Variants in CDH9 observed in about 807,000 individuals in gnomAD.
CDH9 encodes cadherin 9.
A neutral mutation model predicts 70.9 loss-of-function variants in CDH9; 28 were observed. The observed-to-expected ratio is 0.40, with a 90% CI of 0.29 to 0.54. The LOEUF (loss-of-function observed/expected upper bound fraction) is 0.54, where lower values mean the gene tolerates loss of function less well. Among genes scored for constraint, CDH9 ranks in the 20% least tolerant of loss-of-function variants. The pLI is 0.59. For synonymous variants in CDH9, 409 were observed against 343.1 expected, an observed-to-expected ratio of 1.19 and a Z score of -2.12; for missense variants, 874 against 984.4, an observed-to-expected ratio of 0.89 and a Z score of 1.50.
chr5:26,900,430 G>A (rs1353690772), intron 7 of CDH9, among the ~76,000 whole-genome samples: 1 of 152,034 alleles, frequency 6.6e-6, no homozygotes, highest in East Asian at 1.9e-4. Context: ...ATGCAAAAGT[G>A]ACTAAGTGGC....
chr5:26,944,356 T>G (rs1741710709), intron 2 of CDH9, among the ~76,000 whole-genome samples: 1 of 152,142 alleles, frequency 6.6e-6, no homozygotes, highest in Non-Finnish European at 1.5e-5. Flanking sequence ...ATCTTGTCTC[T>G]AAAAAGGATA....
At chr5:26,901,516 G>C (rs1740853517) in intron 7 of CDH9, among the ~76,000 whole-genome samples, 2 of 151,776 alleles carry the variant, frequency 1.3e-5, no homozygotes, top group Admixed American at 1.3e-4. Context: ...TATATATTTA[G>C]TATTGTGATT....
chr5:26,906,044 A>T lies in CDH9; in HGVS notation c.726T>A (p.Gly242=), dbSNP rs775745639. 1 of 1,613,562 alleles carries T rather than the reference A, an allele frequency of 6.2e-7. No homozygotes were observed. Residue 242 remains glycine, a synonymous_variant, in exon 5 of 12, where the codon GGT becomes GGA. Coordinates refer to ENST00000231021, the MANE Select transcript of CDH9 (RefSeq NM_016279.4). ...TTCCAGAAAGGCCTCCCATCTGGCC[A>T]CCCATGTCTTTGGCCTGTATAACAA... ...YQVVIQAKDM[G]GQMGGLSGTT... is the part of the protein sequence containing the mutation.
At chr5:26,913,306 A>G (rs1212300319) in intron 3 of CDH9, among the ~76,000 whole-genome samples, 1 of 152,170 alleles carries the variant, frequency 6.6e-6, no homozygotes, top group Admixed American at 6.6e-5. Context: ...ATTTATATTT[A>G]GGTAATGGAA....
intron 3 of CDH9, among the ~76,000 whole-genome samples, chr5:26,907,432 G>A (rs1740969657): frequency 6.6e-6 from 1 of 152,142 alleles, no homozygotes; most frequent in East Asian, 1.9e-4. Flanking sequence ...TGGTTCTTAT[G>A]ATTACCTCTA....
intron 7 of CDH9, among the ~76,000 whole-genome samples, chr5:26,895,692 A>T (rs1338763953): frequency 6.6e-6 from 1 of 152,074 alleles, no homozygotes; most frequent in Admixed American, 6.6e-5. Flanking sequence ...GCTAATTGTA[A>T]CCATAATCTC....
intron 1 of CDH9, among the ~76,000 whole-genome samples, chr5:27,024,183 T>C (rs537138202): frequency 6.6e-6 from 1 of 152,176 alleles, no homozygotes; most frequent in East Asian, 1.9e-4. Context: ...ACCATGTTTT[T>C]CACACATTTT....
In CDH9 at chr5:26,881,556, G is replaced by A. The variant is rs774437887; in HGVS notation, c.1950C>T (p.Asp650=). Residue 650 remains aspartate (D), a synonymous_variant, in exon 12 of 12, where the codon GAC becomes GAT. Transcript: ENST00000231021. ...AGGTCACAATGTTGTCCCGGACATC[G>A]TCTTTTGAAATTATCAGAGGTTCCT... ...RKKEPLIISK[D]DVRDNIVTYN... The A allele has an allele frequency of 9.9e-6, 16 of 1,613,290 alleles. No homozygotes were observed. In the Middle Eastern group the frequency reaches 4.9e-4, roughly 50 times the overall value.
chr5:26,906,536 G>A (rs189627592), intron 4 of CDH9, among the ~76,000 whole-genome samples, 183 bp downstream of exon 4: 3 of 151,832 alleles, frequency 2.0e-5, no homozygotes, highest in Admixed American at 6.6e-5. Context: ...AAGAGCTAAG[G>A]GTTCAAATAA....
chr5:27,001,842 A>ACTCTCTCTCT lies in CDH9; in HGVS notation c.-49-13461_-49-13460insAGAGAGAGAG, dbSNP rs1430161167. Among the ~76,000 whole-genome samples, 716 of 125,852 alleles carry ACTCTCTCTCT rather than the reference A, an allele frequency of 5.7e-3. 4 individuals carry two copies. Among genetic ancestry groups the ACTCTCTCTCT allele is most frequent in the African/African-American group, 0.02 (644 of 32,126 alleles). The allele number at this position is 125,852 out of a possible 152,430, so 82.6% of individuals were successfully genotyped here. A position where few individuals can be genotyped will look rare whatever the true frequency, so the allele number is the denominator to read the frequency against. ...CAGTGCTTAACATACACACACACACACACTCTCTCTCTCTCTCTCTCTCTC... is the reference window on the plus strand; with the variant it reads ...CAGTGCTTAACATACACACACACACACTCTCTCTCTCACTCTCTCTCTCTCTCTCTCTCTC... On this transcript the variant is annotated intron_variant, in intron 1 of 11. Transcript: ENST00000231021.
At chr5:26,927,085 A>G (rs1372452900) in intron 2 of CDH9, among the ~76,000 whole-genome samples, 1 of 152,008 alleles carries the variant, frequency 6.6e-6, no homozygotes, top group Non-Finnish European at 1.5e-5. Flanking sequence ...CCTGGGATGC[A>G]AGGATGGTTC....
At chr5:27,018,809 A>C (rs912734521) in intron 1 of CDH9, among the ~76,000 whole-genome samples, 1 of 151,980 alleles carries the variant, frequency 6.6e-6, no homozygotes, top group South Asian at 2.1e-4. Flanking sequence ...CACAGCAGCA[A>C]GCAGAGAGCA....
At chr5:26,981,996 C>A (rs1445907054) in intron 2 of CDH9, among the ~76,000 whole-genome samples, 2 of 152,144 alleles carry the variant, frequency 1.3e-5, no homozygotes, top group Admixed American at 6.6e-5. Flanking sequence ...TTCTCCCCAT[C>A]CCTCTCTCCA....
intron 2 of CDH9, among the ~76,000 whole-genome samples, chr5:26,926,927 G>A (rs746562246): frequency 7.4e-5 from 7 of 94,300 alleles, no homozygotes; most frequent in African/African-American, 1.1e-4. Flanking sequence ...GCCCCCCCCC[G>A]CAAAAAAAAA....
intron 2 of CDH9, among the ~76,000 whole-genome samples, chr5:26,925,564 T>C (rs1339879689): frequency 1.3e-5 from 2 of 152,152 alleles, no homozygotes; most frequent in Non-Finnish European, 2.9e-5. Flanking sequence ...TTAGATCCCA[T>C]TTGTCTATTT....
intron 3 of CDH9, among the ~76,000 whole-genome samples, chr5:26,909,612 T>C (rs1281848574): frequency 6.6e-6 from 1 of 151,328 alleles, no homozygotes; most frequent in Non-Finnish European, 1.5e-5. Flanking sequence ...TGTATACATG[T>C]GCCATGCTGG....
At chr5:27,005,681 A>T (rs1742850882) in intron 1 of CDH9, among the ~76,000 whole-genome samples, 1 of 152,158 alleles carries the variant, frequency 6.6e-6, no homozygotes, top group South Asian at 2.1e-4. Context: ...ATCCAGAGGA[A>T]TATAAATCAT....
intron 2 of CDH9, among the ~76,000 whole-genome samples, chr5:26,957,523 G>T (rs1181887198): frequency 6.6e-6 from 1 of 152,034 alleles, no homozygotes; most frequent in Non-Finnish European, 1.5e-5. Flanking sequence ...TTAGCCGGGC[G>T]TGGAGGTATG....
intron 1 of CDH9, among the ~76,000 whole-genome samples, chr5:26,995,938 C>T (rs1742658273): frequency 6.6e-6 from 1 of 151,912 alleles, no homozygotes. Flanking sequence ...CATTATTATT[C>T]CTTTGCTCTC....
Sources: gnomAD v4.1 joint callset for allele counts (sites outside exome capture counted in the v4.1 genomes callset) on GRCh38, gnomAD v4.1.1 for gene constraint, MANE v1.5 for transcripts, NCBI Gene and HGNC (gene_info 2026-07-23, HGNC 2026-07-21) for gene names.